The following UBR4 variants were observed in gnomAD, a reference collection of about 807,000 sequenced individuals.
UBR4 encodes the protein ubiquitin protein ligase E3 component n-recognin 4.
Under a neutral mutation model 575.6 loss-of-function variants are expected in UBR4, and 124 were observed. The ratio of observed to expected loss-of-function variants is 0.22; its 90% CI spans 0.19 to 0.25. The LOEUF is 0.25. Ranked by LOEUF, UBR4 falls within the 10% of genes least tolerant of loss-of-function variation. The pLI, the probability that UBR4 is intolerant of heterozygous loss-of-function variation, is 1.00. For missense variants in UBR4, 4,818 were observed against 6,478.8 expected (o/e 0.74, Z 8.80); for synonymous variants, 2,455 against 2,473.7 (o/e 0.99, Z 0.22).
intron 71 of UBR4, 96 bp from the exon 72 acceptor site, chr1:19,118,006 G>GCCAAAGTGAGC (rs1187512844): frequency 8.7e-7 from 1 of 1,152,342 alleles, no homozygotes; most frequent in East Asian, 2.4e-5. Flanking sequence ...CTCAATGTGA[G>GCCAAAGTGAGC]CCAAAGTGAG....
rs144427527 is a variant in UBR4, at chr1:19,170,795, T to G, written c.3610A>C (p.Ile1204Leu). Residue 1204 changes from isoleucine to leucine, a missense_variant, in exon 26 of 106, where the codon ATT becomes CTT. Coordinates refer to ENST00000375254, the MANE Select transcript of UBR4 (RefSeq NM_020765.3). ...TTTGCCTTGCACCTGCTAGAGCCAA[T>G]AGCCAAAACAGCAGCAAAGCCTTGC... is the stretch of plus-strand genomic sequence containing the variant. ...KLQGFAAVLA[I>L]GSSRCKANTL... 2 of 1,614,064 alleles carry G rather than the reference T, an allele frequency of 1.2e-6. No individual in the cohort carries two copies. Among genetic ancestry groups the G allele is most frequent in the African/African-American group, 2.7e-5 (2 of 74,930 alleles).
rs2093243594 is a variant in UBR4, at chr1:19,210,055, A to C, written c.176+18T>G. On this transcript the variant is annotated intron_variant, in intron 1 of 105. Coordinates refer to ENST00000375254, the MANE Select transcript of UBR4 (RefSeq NM_020765.3). ...TCCCCCCACAACAGCGTCGCCCGCC[A>C]GAGCCGCCGCCCGGTACCTCTCGAT... is the stretch of plus-strand genomic sequence containing the variant. The C allele has an allele frequency of 2.0e-6, 3 of 1,534,496 alleles. No homozygotes were observed. Among genetic ancestry groups the C allele is most frequent in the Non-Finnish European group, 2.6e-6 (3 of 1,141,452 alleles).
rs773655001 is a variant in UBR4, at chr1:19,092,879, T to G, written c.14151A>C (p.Pro4717=). The part of the protein sequence containing the change: ...ADIWKKFLSR[P]ALPFILRLLR... ...GCAGCCTTAGGATAAATGGCAAGGC[T>G]GGGCGAGACAAAAACTTTTTCCAGA... is the stretch of plus-strand genomic sequence containing the variant. The change falls in exon 97 of 106, where the codon CCA becomes CCC. Residue 4717 remains proline (P), a synonymous_variant. Coordinates refer to ENST00000375254, the MANE Select transcript of UBR4 (RefSeq NM_020765.3). The G allele has an allele frequency of 8.7e-6, 14 of 1,613,488 alleles. No homozygotes were observed. Among genetic ancestry groups the G allele is most frequent in the African/African-American group, 1.3e-5 (1 of 74,918 alleles).
At chr1:19,087,490 G>A (rs2077129613) in intron 99 of UBR4, among the ~76,000 whole-genome samples, 1 of 152,228 alleles carries the variant, frequency 6.6e-6, no homozygotes, top group Non-Finnish European at 1.5e-5. Flanking sequence ...TGTGACCTTT[G>A]TTTGCTTAAC....
At chr1:19,192,459 C>A (rs1557986828) in intron 10 of UBR4, 22 bp downstream of exon 10, 1 of 1,614,120 alleles carries the variant, frequency 6.2e-7, no homozygotes, top group Non-Finnish European at 8.5e-7. Flanking sequence ...AAGTATGCAG[C>A]AGAGACAGAT....
rs1429088751 is a variant in UBR4, at chr1:19,144,865, A to C, written c.7988T>G (p.Ile2663Ser). ...CTCACAGGTACAGTAGCCATGGATG[A>C]TGTCCACCAGAGCATTGACAGTAGC... ...IEATVNALVD[I>S]IHGYCTCELD... The change falls in exon 54 of 106, where the codon ATC (isoleucine) becomes AGC (serine). Residue 2663 changes from isoleucine to serine, a missense_variant. Around this residue, in one of 29 missense-constraint regions of UBR4, gnomAD observed 340 missense variants for 375.4 expected, o/e 0.91. Coordinates refer to ENST00000375254, the MANE Select transcript of UBR4 (RefSeq NM_020765.3). 6.2e-7 allele frequency: 1 copy of C among 1,614,030 alleles called. No homozygotes were observed. Among genetic ancestry groups the C allele is most frequent in the African/African-American group, 1.3e-5 (1 of 74,936 alleles).
chr1:19,085,081 A>G (rs1396540224), intron 101 of UBR4, among the ~76,000 whole-genome samples: 1 of 152,228 alleles, frequency 6.6e-6, no homozygotes, highest in Non-Finnish European at 1.5e-5. Context: ...GAGCTCTTCA[A>G]TCTCCAAATA....
Position 19,119,642 on chromosome 1 carries a change from T to C in UBR4, c.10370A>G (p.Glu3457Gly), listed in dbSNP as rs1296109087. The change falls in exon 70 of 106, where the codon GAA becomes GGA. Residue 3457 changes from glutamate to glycine, a missense_variant. Physicochemically the swap from Glu to Gly is moderately conservative, Grantham distance 98. Around this residue, in one of 29 missense-constraint regions of UBR4, gnomAD observed 550 missense variants for 791.5 expected, o/e 0.69. Transcript: ENST00000375254. Reference sequence around the variant, plus strand: ...AGCCTTACGACCATAGGCTGGGAGTTCTGGCCAGATGGACCACATCAGATC... The same window carrying C: ...AGCCTTACGACCATAGGCTGGGAGTCCTGGCCAGATGGACCACATCAGATC... ...LLDLMWSIWP[E>G]LPAYGRKAAQ... 1 of 1,613,952 alleles carries C rather than the reference T, an allele frequency of 6.2e-7. No homozygotes were observed. Among genetic ancestry groups the C allele is most frequent in the Non-Finnish European group, 8.5e-7 (1 of 1,179,942 alleles).
intron 84 of UBR4, among the ~76,000 whole-genome samples, 154 bp downstream of exon 84, chr1:19,105,579 T>C (rs1316152073): frequency 6.6e-6 from 1 of 152,122 alleles, no homozygotes; most frequent in Non-Finnish European, 1.5e-5. Flanking sequence ...ACCACTACCA[T>C]CACTAAAAGT....
At chr1:19,142,838 T>C (rs915553100) in intron 55 of UBR4, among the ~76,000 whole-genome samples, 7 of 152,192 alleles carry the variant, frequency 4.6e-5, no homozygotes, top group African/African-American at 1.7e-4. Context: ...AATTTAAAAG[T>C]ACAGGCCGAG....
intron 48 of UBR4, chr1:19,151,433 C>G: frequency 1.6e-6 from 1 of 635,828 alleles, no homozygotes; most frequent in Non-Finnish European, 2.9e-6. Flanking sequence ...ACAGTGCAGC[C>G]CTATCTTTAC....
At chr1:19,169,377 A>C (rs1571385566) in intron 27 of UBR4, 58 bp downstream of exon 27, 3 of 1,482,136 alleles carry the variant, frequency 2.0e-6, no homozygotes, top group Non-Finnish European at 2.7e-6. Flanking sequence ...AGGCTTAAGA[A>C]CAAAAGACAG....
Position 19,106,643 on chromosome 1 carries a change from G to A in UBR4, c.12319C>T (p.Gln4107Ter). Residue 4107 changes from glutamine (Q) to a stop codon, truncating the protein, a stop_gained, in exon 83 of 106, where the codon CAG becomes TAG. Transcript: ENST00000375254. LOFTEE classifies it high-confidence loss of function. Reference sequence around the variant, plus strand: ...CTCTTCCCCCGACGACTCAGGAACTGTTTCCACCTCCACACATACTTCTCA... The same window carrying A: ...CTCTTCCCCCGACGACTCAGGAACTATTTCCACCTCCACACATACTTCTCA... ...LTEKYVWRWK[Q>*]FLSRRGKRTS... 1 of 1,609,686 alleles carries A rather than the reference G, an allele frequency of 6.2e-7. No homozygotes were observed. The highest frequency in any genetic ancestry group is 1.7e-5 in the Admixed American group (1 of 59,286).
chr1:19,156,221 T>A, intron 42 of UBR4, 50 bp downstream of exon 42: 1 of 1,598,260 alleles, frequency 6.3e-7, no homozygotes, highest in Middle Eastern at 1.7e-4. Flanking sequence ...ATTCTGGATT[T>A]AAAAGTAGAA....
chr1:19,167,993 A>G (rs34127769), intron 28 of UBR4, 34 bp downstream of exon 28: 25,887 of 1,576,682 alleles, frequency 0.016, 285 homozygotes, highest in Middle Eastern at 0.022. Context: ...GAATACAGAC[A>G]TAGAGTCCTT....
intron 75 of UBR4, 116 bp from the exon 76 acceptor site, chr1:19,114,186 C>G (rs1331440918): frequency 7.6e-7 from 1 of 1,317,384 alleles, no homozygotes; most frequent in East Asian, 2.4e-5. Flanking sequence ...CACTGTGTTT[C>G]ATACATTATC....
chr1:19,168,101 G>T lies in UBR4; in HGVS notation c.3825C>A (p.Ser1275Arg). The stretch of plus-strand genomic sequence containing the variant: ...GGGAAGCAGCCAGGGGCAGACTTTG[G>T]CTACAGAGAGTCCCCAGGTGTGCAG... ...VQAAHLGTLC[S>R]QSLPLAASLK... The change falls in exon 28 of 106, where the codon AGC becomes AGA. Residue 1275 changes from serine (S) to arginine (R), a missense_variant. By Grantham distance (110) the Ser-to-Arg change is moderately radical (BLOSUM62 -1). Coordinates refer to ENST00000375254, the MANE Select transcript of UBR4 (RefSeq NM_020765.3). 6.2e-7 allele frequency: 1 copy of T among 1,613,786 alleles called. No individual in the cohort carries two copies. Among genetic ancestry groups the T allele is most frequent in the Middle Eastern group, 1.6e-4 (1 of 6,062 alleles).
intron 32 of UBR4, 107 bp from the exon 33 acceptor site, chr1:19,164,548 A>C (rs2087959163): frequency 1.6e-6 from 2 of 1,278,768 alleles, no homozygotes; most frequent in Non-Finnish European, 2.2e-6. Flanking sequence ...TACAATACCA[A>C]TCCCAGCTTT....
intron 39 of UBR4, among the ~76,000 whole-genome samples, chr1:19,158,604 T>C (rs2086793603): frequency 6.6e-6 from 1 of 151,984 alleles, no homozygotes; most frequent in African/African-American, 2.4e-5. Flanking sequence ...ACCACAGGCA[T>C]GCACCACCAT....
Sources: allele counts gnomAD v4.1 joint callset (sites outside exome capture counted in the v4.1 genomes callset), GRCh38; gene constraint gnomAD v4.1.1; regional missense constraint gnomAD v4.1.1; transcripts MANE v1.5; gene names NCBI Gene and HGNC (gene_info 2026-07-23, HGNC 2026-07-21).